The following DSCAM variants were observed in gnomAD, a reference collection of about 807,000 sequenced individuals.
DSCAM encodes DS cell adhesion molecule.
Under a neutral mutation model 217.7 loss-of-function variants are expected in DSCAM, and 47 were observed. The ratio of observed to expected loss-of-function variants is 0.22; its 90% CI spans 0.17 to 0.28. DSCAM has a LOEUF of 0.28. DSCAM is among the 10% of genes least tolerant of loss of function. The pLI, the probability that DSCAM is intolerant of heterozygous loss-of-function variation, is 1.00. For synonymous variants in DSCAM, 1,056 were observed against 1,015.3 expected (o/e 1.04, Z -0.76); for missense variants, 2,080 against 2,618.3 (o/e 0.79, Z 4.49).
chr21:40,112,062 G>C (rs184725409), intron 20 of DSCAM, among the ~76,000 whole-genome samples: 1 of 150,850 alleles, frequency 6.6e-6, no homozygotes, highest in African/African-American at 2.4e-5. Context: ...TGCACCAAGC[G>C]GACCTAATAG....
intron 3 of DSCAM, among the ~76,000 whole-genome samples, chr21:40,584,203 G>A (rs1014683930): frequency 2.0e-5 from 3 of 152,164 alleles, no homozygotes; most frequent in African/African-American, 7.2e-5. Flanking sequence ...CCGCTCCTTG[G>A]TGTTACACAG....
intron 1 of DSCAM, among the ~76,000 whole-genome samples, chr21:40,837,390 A>T (rs1742931583): frequency 2.6e-5 from 4 of 152,194 alleles, no homozygotes; most frequent in Admixed American, 2.6e-4. Flanking sequence ...CCAACCACTG[A>T]TGAGAGTTCC....
intron 3 of DSCAM, among the ~76,000 whole-genome samples, chr21:40,652,937 T>C (rs1045308971): frequency 2.0e-5 from 3 of 152,190 alleles, no homozygotes; most frequent in Non-Finnish European, 4.4e-5. Context: ...GAGCACTCTA[T>C]GTGACTAACC....
chr21:40,437,753 A>G (rs912672604), intron 3 of DSCAM, among the ~76,000 whole-genome samples: 3 of 152,204 alleles, frequency 2.0e-5, no homozygotes, highest in Non-Finnish European at 4.4e-5. Context: ...CGGGAGGCTG[A>G]GGCAGAGAAT....
chr21:40,338,517 T>A (rs1455991281), intron 7 of DSCAM, 141 bp from the exon 8 acceptor site: 11 of 929,226 alleles, frequency 1.2e-5, no homozygotes, highest in Non-Finnish European at 1.2e-5. Flanking sequence ...TATTTTTGCA[T>A]GTGGCATTTT....
intron 3 of DSCAM, among the ~76,000 whole-genome samples, chr21:40,604,571 C>T (rs2146266848): frequency 1.3e-5 from 2 of 152,252 alleles, no homozygotes; most frequent in Middle Eastern, 3.4e-3. Context: ...TTACATGAAT[C>T]TGGGCTGTAT....
chr21:40,629,888 T>C lies in DSCAM; in HGVS notation c.508+62922A>G, dbSNP rs891141766. Reference sequence around the variant, plus strand: ...TCTACTATAGAACCTGACATATACATACAGATTAATAAAAGAAGTTATCTG... The same window carrying C: ...TCTACTATAGAACCTGACATATACACACAGATTAATAAAAGAAGTTATCTG... On this transcript the variant is annotated intron_variant, in intron 3 of 32. Coordinates refer to ENST00000400454, the MANE Select transcript of DSCAM (RefSeq NM_001389.5). 3.3e-5 allele frequency among the ~76,000 whole-genome samples: 5 copies of C among 152,200 alleles called. No homozygotes were observed. The East Asian group carries it at 5.8e-4, about 18-fold the overall frequency.
intron 1 of DSCAM, among the ~76,000 whole-genome samples, chr21:40,740,581 G>A (rs1425454940): frequency 2.6e-5 from 4 of 152,216 alleles, no homozygotes; most frequent in Non-Finnish European, 5.9e-5. Context: ...GAGTGCTGCT[G>A]TGTATTTCAA....
In DSCAM at chr21:40,258,494, G is replaced by T. The variant is rs368329653; in HGVS notation, c.2356+17603C>A. On this transcript the variant is annotated intron_variant, in intron 11 of 32. Transcript: ENST00000400454. ...TATCTGTGTAAAAAGTAAAGTAGAG[G>T]TTCCTCTTCAAAGACTTTCCTCCCC... Among the ~76,000 whole-genome samples, 4 of 152,304 alleles carry T rather than the reference G, an allele frequency of 2.6e-5. No homozygotes were observed. The East Asian group carries it at 7.7e-4, about 29-fold the overall frequency.
intron 1 of DSCAM, among the ~76,000 whole-genome samples, chr21:40,758,100 T>C (rs532490132): frequency 2.0e-5 from 3 of 151,942 alleles, no homozygotes; most frequent in South Asian, 4.2e-4. Flanking sequence ...CACGGTATGA[T>C]AGATATGACA....
At chr21:40,642,947 C>T (rs2089900944) in intron 3 of DSCAM, among the ~76,000 whole-genome samples, 1 of 152,150 alleles carries the variant, frequency 6.6e-6, no homozygotes, top group Admixed American at 6.5e-5. Flanking sequence ...TCTGTATTTG[C>T]TTTGATAAGA....
At chr21:40,324,307 C>T (rs545223891) in intron 8 of DSCAM, among the ~76,000 whole-genome samples, 6 of 151,708 alleles carry the variant, frequency 4.0e-5, no homozygotes, top group African/African-American at 1.2e-4. Flanking sequence ...AAGAGAAACA[C>T]AAAAGATGCA....
At chr21:40,023,142 G>T (rs1234315170) in intron 32 of DSCAM, among the ~76,000 whole-genome samples, 1 of 151,048 alleles carries the variant, frequency 6.6e-6, no homozygotes, top group Non-Finnish European at 1.5e-5. Context: ...TTGTTCTTGC[G>T]ATAGTTTACT....
At chr21:40,591,102 C>G (rs7409866) in intron 3 of DSCAM, among the ~76,000 whole-genome samples, 102,924 of 152,106 alleles carry the variant, frequency 0.68, 35,117 homozygotes, top group African/African-American at 0.74. Context: ...CACGAGATCA[C>G]ATTTTTTTTA....
At chr21:40,556,653 C>CAG (rs1159492704) in intron 3 of DSCAM, among the ~76,000 whole-genome samples, 3 of 118,762 alleles carry the variant, frequency 2.5e-5, no homozygotes, top group Non-Finnish European at 3.9e-5. Context: ...CAGAGGAAGT[C>CAG]AGAGAGAGAG....
intron 3 of DSCAM, among the ~76,000 whole-genome samples, chr21:40,624,814 A>T (rs1203544153): frequency 6.6e-6 from 1 of 152,216 alleles, no homozygotes; most frequent in East Asian, 1.9e-4. Flanking sequence ...CCTTCCAAGC[A>T]CCTGCAAATT....
At chr21:40,073,062 T>C (rs1332039011) in intron 27 of DSCAM, among the ~76,000 whole-genome samples, 1 of 152,174 alleles carries the variant, frequency 6.6e-6, no homozygotes, top group Non-Finnish European at 1.5e-5. Context: ...ACAGGGTGCA[T>C]GGGTCATCAT....
At chr21:40,293,744 GA>G (rs1265926194) in intron 10 of DSCAM, among the ~76,000 whole-genome samples, 1 of 152,058 alleles carries the variant, frequency 6.6e-6, no homozygotes, top group Non-Finnish European at 1.5e-5. Flanking sequence ...AGAATTGCTT[GA>G]ACCCAGGAGG....
chr21:40,184,597 G>A (rs1800835511), intron 14 of DSCAM, among the ~76,000 whole-genome samples: 1 of 152,184 alleles, frequency 6.6e-6, no homozygotes, highest in Non-Finnish European at 1.5e-5. Context: ...TAGACAAGGA[G>A]CTTTCCTGCT....
Sources: allele counts gnomAD v4.1 joint callset (sites outside exome capture counted in the v4.1 genomes callset), GRCh38; gene constraint gnomAD v4.1.1; transcripts MANE v1.5; gene names NCBI Gene and HGNC (gene_info 2026-07-23, HGNC 2026-07-21).